The following FGF1 variants were observed in gnomAD, a reference collection of about 807,000 sequenced individuals.
FGF1 encodes fibroblast growth factor 1, also known as beta-endothelial cell growth factor.
A neutral mutation model predicts 13.4 loss-of-function variants in FGF1; 9 were observed. The observed-to-expected ratio is 0.67, with a 90% CI of 0.40 to 1.17. The LOEUF (loss-of-function observed/expected upper bound fraction) is 1.17. Among genes scored for constraint, FGF1 ranks in the 50% most tolerant of loss-of-function variants. The pLI, the probability that FGF1 is intolerant of heterozygous loss-of-function variation, is 0.01. For missense variants in FGF1, 156 were observed against 192.7 expected, an observed-to-expected ratio of 0.81 and a Z score of 1.13; for synonymous variants, 93 against 79.0, an observed-to-expected ratio of 1.18 and a Z score of -0.94.
intron 1 of FGF1, among the ~76,000 whole-genome samples, chr5:142,636,523 T>A (rs1228714433): frequency 6.6e-6 from 1 of 152,226 alleles, no homozygotes; most frequent in Non-Finnish European, 1.5e-5. Context: ...AGGAATATTG[T>A]GAATAACAAG....
rs541904986 is a variant in FGF1 at position 142,631,400 on chromosome 5, G to A, written c.-34-17239C>T. On this transcript the variant is annotated intron_variant, in intron 1 of 3. Transcript: ENST00000337706. ...AGACCGGACTTGACCTTCTTCCTGT[G>A]GAAGGGCCTTTTTCCTCAGGGCAAA... 1.6e-4 allele frequency among the ~76,000 whole-genome samples: 25 copies of A among 152,230 alleles called. No homozygotes were observed. In the South Asian group the frequency reaches 5.2e-3, roughly 32 times the overall value.
At chr5:142,670,180 A>G (rs1190669832) in intron 1 of FGF1, among the ~76,000 whole-genome samples, 1 of 152,072 alleles carries the variant, frequency 6.6e-6, no homozygotes, top group East Asian at 1.9e-4. Context: ...CCTACTTCCC[A>G]GCTAGGAAGG....
At chr5:142,600,675 C>T (rs1375679339) in intron 3 of FGF1, 27 bp downstream of exon 3, 1 of 1,517,312 alleles carries the variant, frequency 6.6e-7, no homozygotes, top group East Asian at 2.3e-5. Context: ...TTGGCCACGT[C>T]TGGAAGCATG....
At chr5:142,620,635 G>T (rs568433751) in intron 1 of FGF1, among the ~76,000 whole-genome samples, 1 of 152,104 alleles carries the variant, frequency 6.6e-6, no homozygotes, top group Admixed American at 6.5e-5. Context: ...TGACAACTCC[G>T]CAATTATGGT....
chr5:142,657,434 C>T (rs2151990001), intron 1 of FGF1, among the ~76,000 whole-genome samples: 1 of 152,276 alleles, frequency 6.6e-6, no homozygotes, highest in Non-Finnish European at 1.5e-5. Context: ...TCTCAGGCAT[C>T]CCCAGCCCTC....
chr5:142,595,436 G>C lies in FGF1; in HGVS notation c.322C>G (p.His108Asp), dbSNP rs770501980. Reference protein sequence around the residue: ...CLFLERLEENHYNTYISKKHA... With the variant: ...CLFLERLEENDYNTYISKKHA... ...TTCTTGGATATATAGGTGTTGTAATGGTTCTCCTCCAGCCTTTCCAGGAAC... is the reference window on the plus strand; with the variant it reads ...TTCTTGGATATATAGGTGTTGTAATCGTTCTCCTCCAGCCTTTCCAGGAAC... The change falls in exon 4 of 4, where the codon CAT becomes GAT. Residue 108 changes from histidine to aspartate, a missense_variant. By Grantham distance (81) the His-to-Asp change is moderately conservative. Coordinates refer to ENST00000337706, the MANE Select transcript of FGF1 (RefSeq NM_000800.5). 2 of 1,613,944 alleles carry C rather than the reference G, an allele frequency of 1.2e-6. No homozygotes were observed. The highest frequency in any genetic ancestry group is 1.1e-5 in the South Asian group (1 of 91,068).
intron 2 of FGF1, among the ~76,000 whole-genome samples, chr5:142,603,354 G>A (rs755478357): frequency 6.6e-6 from 1 of 151,980 alleles, no homozygotes; most frequent in African/African-American, 2.4e-5. Flanking sequence ...GACACTCTGC[G>A]CACGGGGTCC....
intron 1 of FGF1, among the ~76,000 whole-genome samples, chr5:142,637,826 A>G (rs528424909): frequency 6.6e-6 from 1 of 152,108 alleles, no homozygotes; most frequent in African/African-American, 2.4e-5. Context: ...AGTTTATAAC[A>G]TCTACAAAAC....
chr5:142,611,073 C>T (rs1237248778), intron 2 of FGF1, among the ~76,000 whole-genome samples: 1 of 152,216 alleles, frequency 6.6e-6, no homozygotes, highest in East Asian at 1.9e-4. Context: ...GTGACTCTGT[C>T]ACTTCAGTCT....
chr5:142,608,420 C>A (rs1395106844), intron 2 of FGF1, among the ~76,000 whole-genome samples: 1 of 150,778 alleles, frequency 6.6e-6, no homozygotes, highest in Non-Finnish European at 1.5e-5. Flanking sequence ...AGCCACAAGC[C>A]GGGATTGGTA....
At chr5:142,674,639 G>A (rs923503042) in intron 1 of FGF1, among the ~76,000 whole-genome samples, 14 of 152,090 alleles carry the variant, frequency 9.2e-5, no homozygotes, top group Admixed American at 8.5e-4. Context: ...TCTTGGCTCC[G>A]GAAAAACACT....
At position 142,595,541 on chromosome 5, in the gene FGF1, G is replaced by T. The variant is rs183743830; in HGVS notation, c.274-57C>A. 1.3e-4 allele frequency: 187 copies of T among 1,469,328 alleles called. No individual in the cohort carries two copies. The African/African-American group carries it at 2.5e-3, about 19-fold the overall frequency. The allele number at this position is 1,469,328 out of a possible 1,614,324, so 91.0% of individuals were successfully genotyped here. On this transcript the variant is annotated intron_variant, in intron 3 of 3. Coordinates refer to ENST00000337706, the MANE Select transcript of FGF1 (RefSeq NM_000800.5). ...AATCAGTGAGTAGTTTCACATGGGG[G>T]TCCCCATTTACTAGCTGTGTGACAT... is the stretch of plus-strand genomic sequence containing the variant.
intron 1 of FGF1, among the ~76,000 whole-genome samples, chr5:142,675,638 G>T (rs113731600): frequency 2.0e-5 from 3 of 152,140 alleles, no homozygotes; most frequent in African/African-American, 4.8e-5. Flanking sequence ...CCGTCCGTCC[G>T]CTGAGACAGG....
At position 142,618,921 on chromosome 5, in the gene FGF1, G is replaced by GTTT. The variant is rs1343286807; in HGVS notation, c.-34-4761_-34-4760insAAA. Among the ~76,000 whole-genome samples, 126 of 108,346 alleles carry GTTT rather than the reference G, an allele frequency of 1.2e-3. 8 individuals are homozygous for GTTT. The highest frequency in any genetic ancestry group is 8.3e-3 in the East Asian group (22 of 2,660). The allele number at this position is 108,346 out of a possible 152,430, so 71.1% of individuals were successfully genotyped here. On this transcript the variant is annotated intron_variant, in intron 1 of 3. Transcript: ENST00000337706. Reference sequence around the variant, plus strand: ...GGCAAACACTGACATTTATTTTTTAGTTGTTTTGTTTTTTTTTTTTTTTTT... The same window carrying GTTT: ...GGCAAACACTGACATTTATTTTTTAGTTTTTGTTTTGTTTTTTTTTTTTTTTTT...
intron 1 of FGF1, among the ~76,000 whole-genome samples, chr5:142,632,890 A>G (rs1336370558): frequency 1.3e-5 from 2 of 151,668 alleles, no homozygotes; most frequent in African/African-American, 4.8e-5. Flanking sequence ...TGTGTCAACT[A>G]ACCTTTTATT....
chr5:142,603,595 CAG>C (rs1488957586), intron 2 of FGF1, among the ~76,000 whole-genome samples: 8 of 152,198 alleles, frequency 5.3e-5, no homozygotes, highest in Admixed American at 5.2e-4. Flanking sequence ...GCCCTGCACA[CAG>C]GGGGCAGTCT....
At chr5:142,652,028 T>C (rs1767357636) in intron 1 of FGF1, among the ~76,000 whole-genome samples, 2 of 152,136 alleles carry the variant, frequency 1.3e-5, no homozygotes, top group Non-Finnish European at 2.9e-5. Context: ...CTGCCTCACA[T>C]AGTCCTTTCT....
intron 1 of FGF1, among the ~76,000 whole-genome samples, chr5:142,661,427 G>A (rs1769198081): frequency 6.6e-6 from 1 of 152,194 alleles, no homozygotes; most frequent in Non-Finnish European, 1.5e-5. Context: ...TTGGAAAACA[G>A]TCCCTCAAGT....
intron 1 of FGF1, among the ~76,000 whole-genome samples, chr5:142,656,551 T>C (rs1200708562): frequency 6.6e-6 from 1 of 152,220 alleles, no homozygotes; most frequent in Non-Finnish European, 1.5e-5. Flanking sequence ...ATTTGTCCTA[T>C]AGAAGGACTC....
Sources: allele counts gnomAD v4.1 joint callset (sites outside exome capture counted in the v4.1 genomes callset), GRCh38; gene constraint gnomAD v4.1.1; transcripts MANE v1.5; gene names NCBI Gene and HGNC (gene_info 2026-07-23, HGNC 2026-07-21).